The following NTM variants were observed in gnomAD, a reference collection of about 807,000 sequenced individuals.
NTM encodes the protein neurotrimin.
Under a neutral mutation model 42.1 loss-of-function variants are expected in NTM, and 13 were observed. The observed-to-expected ratio is 0.31, with a 90% CI of 0.20 to 0.49. The LOEUF (loss-of-function observed/expected upper bound fraction) is 0.49, where lower values mean the gene tolerates loss of function less well. Ranked by LOEUF, NTM falls within the 20% of genes least tolerant of loss-of-function variation. NTM has a pLI of 0.99. For synonymous variants in NTM, 187 were observed against 179.2 expected, an observed-to-expected ratio of 1.04 and a Z score of -0.35; for missense variants, 373 against 452.8, an observed-to-expected ratio of 0.82 and a Z score of 1.60.
chr11:131,584,149 G>T (rs1219249761), intron 1 of NTM, among the ~76,000 whole-genome samples: 1 of 152,212 alleles, frequency 6.6e-6, no homozygotes, highest in Admixed American at 6.5e-5. Context: ...CCTCTTTGCT[G>T]ACACCAGCCA....
chr11:131,477,118 A>G (rs1953027840), intron 1 of NTM, among the ~76,000 whole-genome samples: 1 of 152,120 alleles, frequency 6.6e-6, no homozygotes, highest in Admixed American at 6.6e-5. Flanking sequence ...TAATGCTTGG[A>G]GGAGAAAGGC....
At chr11:131,726,968 C>T (rs1017547447) in intron 1 of NTM, among the ~76,000 whole-genome samples, 2 of 151,324 alleles carry the variant, frequency 1.3e-5, no homozygotes, top group Non-Finnish European at 1.5e-5. Context: ...GGATTACAGG[C>T]GCAAGCCACA....
At chr11:131,971,321 G>C (rs1446055354) in intron 2 of NTM, among the ~76,000 whole-genome samples, 1 of 152,070 alleles carries the variant, frequency 6.6e-6, no homozygotes, top group African/African-American at 2.4e-5. Flanking sequence ...CTGGTCACTG[G>C]TGTGAGCTCT....
intron 4 of NTM, among the ~76,000 whole-genome samples, chr11:132,261,206 G>C (rs532803904): frequency 6.6e-6 from 1 of 152,118 alleles, no homozygotes; most frequent in East Asian, 1.9e-4. Context: ...GAGAGTAGAG[G>C]TGGCTCCACC....
chr11:131,595,241 C>T lies in NTM; in HGVS notation c.82+224353C>T, dbSNP rs2059716789. 1.3e-5 allele frequency among the ~76,000 whole-genome samples: 2 copies of T among 152,140 alleles called. 1 individual carries two copies. Among genetic ancestry groups the T allele is most frequent in the South Asian group, 4.1e-4 (2 of 4,830 alleles). Reference sequence around the variant, plus strand: ...TAGGCGTGGTCCACCAGTGAATCACCTGCTGGTGTCTCTACCCTCCCTCCA... The same window carrying T: ...TAGGCGTGGTCCACCAGTGAATCACTTGCTGGTGTCTCTACCCTCCCTCCA... On this transcript the variant is annotated intron_variant, in intron 1 of 8. Transcript: ENST00000683400.
chr11:132,332,473 A>T (rs1315353252), intron 8 of NTM: 1 of 152,202 alleles, frequency 6.6e-6, no homozygotes, highest in Non-Finnish European at 1.5e-5. Flanking sequence ...GCTGGCAGGC[A>T]CTTGGTGGCC....
chr11:131,565,192 C>A (rs1267017279), intron 1 of NTM, among the ~76,000 whole-genome samples: 1 of 152,194 alleles, frequency 6.6e-6, no homozygotes, highest in Admixed American at 6.5e-5. Flanking sequence ...TGCAGCTGAC[C>A]CTTCACCGCC....
chr11:132,061,689 C>G (rs1594234661), intron 2 of NTM, among the ~76,000 whole-genome samples: 1 of 152,098 alleles, frequency 6.6e-6, no homozygotes, highest in African/African-American at 2.4e-5. Flanking sequence ...TGCCCTTCTC[C>G]TATGTTCCTG....
chr11:132,327,806 C>T (rs1565493097), intron 7 of NTM, among the ~76,000 whole-genome samples: 1 of 151,658 alleles, frequency 6.6e-6, no homozygotes, highest in Non-Finnish European at 1.5e-5. Context: ...TCCCTTTCTT[C>T]CTTCCTGTCT....
At chr11:132,260,209 C>T (rs562058078) in intron 4 of NTM, among the ~76,000 whole-genome samples, 118 of 151,800 alleles carry the variant, frequency 7.8e-4, no homozygotes, top group Non-Finnish European at 4.1e-4. Context: ...TTAGTTACCA[C>T]GGAAGCCCAT....
At chr11:131,762,722 CTCTG>C (rs2084415425) in intron 1 of NTM, among the ~76,000 whole-genome samples, 1 of 152,230 alleles carries the variant, frequency 6.6e-6, no homozygotes, top group South Asian at 2.1e-4. Flanking sequence ...TAGACTGCTC[CTCTG>C]TCTATTCCCA....
At chr11:131,852,880 GTCCATCCATCCATCCACCCACCCA>G (rs1366259592) in intron 1 of NTM, among the ~76,000 whole-genome samples, 358 of 126,572 alleles carry the variant, frequency 2.8e-3, no homozygotes, top group Non-Finnish European at 4.6e-3. Context: ...CCACCCATCC[GTCCATCCATCCATCCACCCACCCA>G]TCCATCCATC....
At chr11:131,558,823 C>A (rs186836405) in intron 1 of NTM, among the ~76,000 whole-genome samples, 4 of 152,022 alleles carry the variant, frequency 2.6e-5, no homozygotes, top group African/African-American at 4.8e-5. Flanking sequence ...GGCTTCATGA[C>A]GACTGAACAG....
intron 7 of NTM, among the ~76,000 whole-genome samples, chr11:132,316,064 A>C (rs2136189193): frequency 6.6e-6 from 1 of 152,156 alleles, no homozygotes; most frequent in Admixed American, 6.5e-5. Context: ...CATTAACCCA[A>C]GTCCTGCTCT....
At chr11:132,129,255 A>T (rs903844218) in intron 2 of NTM, among the ~76,000 whole-genome samples, 2 of 152,196 alleles carry the variant, frequency 1.3e-5, no homozygotes, top group African/African-American at 4.8e-5. Context: ...TATAGTGCAT[A>T]CAGCTGTGTA....
At chr11:132,176,648 T>C (rs2076851261) in intron 3 of NTM, among the ~76,000 whole-genome samples, 1 of 151,790 alleles carries the variant, frequency 6.6e-6, no homozygotes, top group African/African-American at 2.4e-5. Context: ...ATTATATTCA[T>C]ATATTTCTTA....
At chr11:131,553,873 G>T (rs1041951528) in intron 1 of NTM, among the ~76,000 whole-genome samples, 1 of 152,114 alleles carries the variant, frequency 6.6e-6, no homozygotes, top group Admixed American at 6.5e-5. Context: ...TCTACAACCC[G>T]TTGCCCATAT....
intron 1 of NTM, among the ~76,000 whole-genome samples, chr11:131,867,634 TTATGTC>T (rs1247199143): frequency 6.6e-6 from 1 of 151,966 alleles, no homozygotes; most frequent in African/African-American, 2.4e-5. Context: ...GTGTCTGTGT[TTATGTC>T]TGTGTATCTG....
intron 1 of NTM, among the ~76,000 whole-genome samples, chr11:131,613,768 C>A (rs2061659173): frequency 1.3e-5 from 2 of 152,100 alleles, no homozygotes; most frequent in Non-Finnish European, 2.9e-5. Flanking sequence ...AAGTCACTAG[C>A]CCAAAGCCAC....
Sources: gnomAD v4.1 joint callset for allele counts (sites outside exome capture counted in the v4.1 genomes callset) on GRCh38, gnomAD v4.1.1 for gene constraint, MANE v1.5 for transcripts, NCBI Gene and HGNC (gene_info 2026-07-23, HGNC 2026-07-21) for gene names.